Variants in CANX observed in about 807,000 individuals in gnomAD.
CANX encodes calnexin.
In CANX, 14 loss-of-function variants were observed where a neutral mutation model predicts 75.7. That is an observed-to-expected ratio of 0.19 (90% CI 0.12 to 0.29). The LOEUF (loss-of-function observed/expected upper bound fraction) is 0.29, where lower values mean the gene tolerates loss of function less well. CANX is among the 10% of genes least tolerant of loss of function. The probability of loss-of-function intolerance (pLI) is 1.00; values close to 1 mark genes in which losing one functional copy is unlikely to be tolerated. For missense variants in CANX, 567 were observed against 713.2 expected (o/e 0.79, Z 2.34); for synonymous variants, 227 against 236.9 (o/e 0.96, Z 0.38).
At chr5:179,679,594 T>G (rs538211944) in intron 1 of CANX, among the ~76,000 whole-genome samples, 131 of 152,166 alleles carry the variant, frequency 8.6e-4, no homozygotes, top group African/African-American at 3.1e-3. Flanking sequence ...AGTAGGACTT[T>G]GCCAGGTGGG....
At chr5:179,709,710 G>T in intron 6 of CANX, 163 bp from the exon 7 acceptor site, 1 of 499,236 alleles carries the variant, frequency 2.0e-6, no homozygotes, top group South Asian at 3.3e-5. Context: ...ACTGATGATT[G>T]CTGGTTATTC....
intron 1 of CANX, among the ~76,000 whole-genome samples, chr5:179,684,924 GTA>G (rs1242916468): frequency 0.029 from 833 of 28,854 alleles, 28 homozygotes; most frequent in Middle Eastern, 0.1. Flanking sequence ...GGCTAATTTT[GTA>G]TTTTTTTTTT....
At chr5:179,722,001 T>C (rs1243091714) in intron 10 of CANX, among the ~76,000 whole-genome samples, 3 of 152,202 alleles carry the variant, frequency 2.0e-5, no homozygotes, top group Non-Finnish European at 4.4e-5. Context: ...TTTAATTGTG[T>C]AGTCAAACAA....
chr5:179,698,949 G>T, upstream of CANX: 1 of 1,119,322 alleles, frequency 8.9e-7, no homozygotes, highest in Non-Finnish European at 1.1e-6. Context: ...TTCGTGCGGT[G>T]GGGCTCGCTC....
At chr5:179,681,834 G>C (rs1776071185) in intron 1 of CANX, among the ~76,000 whole-genome samples, 1 of 151,854 alleles carries the variant, frequency 6.6e-6, no homozygotes, top group Non-Finnish European at 1.5e-5. Context: ...TGTAGTCCCA[G>C]CTACTCAAGA....
intron 1 of CANX, among the ~76,000 whole-genome samples, chr5:179,701,555 G>A (rs968661133): frequency 6.6e-6 from 1 of 151,612 alleles, no homozygotes; most frequent in Non-Finnish European, 1.5e-5. Context: ...GGGTGACAGA[G>A]TGAGACTCCA....
chr5:179,689,391 T>TTTTTTTTG (rs1776258175), intron 1 of CANX, among the ~76,000 whole-genome samples: 1 of 144,110 alleles, frequency 6.9e-6, no homozygotes, highest in Non-Finnish European at 1.5e-5. Flanking sequence ...TTTTTTTTTT[T>TTTTTTTTG]TTTTTTTTTT....
At chr5:179,727,128 G>A (rs903225110) in intron 14 of CANX, among the ~76,000 whole-genome samples, 2 of 152,112 alleles carry the variant, frequency 1.3e-5, no homozygotes, top group African/African-American at 2.4e-5. Flanking sequence ...TTTTGTCCCC[G>A]TTGTCCATAG....
At chr5:179,724,572 C>T (rs529126016) in intron 12 of CANX, 85 bp from the exon 13 acceptor site, 325 of 1,136,120 alleles carry the variant, frequency 2.9e-4, no homozygotes, top group Admixed American at 5.3e-4. Flanking sequence ...CAGCCTGGAA[C>T]AGAACTTTGC....
chr5:179,720,845 G>A (rs568026687), intron 10 of CANX, among the ~76,000 whole-genome samples: 2 of 151,956 alleles, frequency 1.3e-5, no homozygotes, highest in Non-Finnish European at 2.9e-5. Context: ...GGGCAGTGGT[G>A]TGATGTCGCC....
At chr5:179,701,916 A>C (rs1016658759) in intron 1 of CANX, among the ~76,000 whole-genome samples, 1 of 151,034 alleles carries the variant, frequency 6.6e-6, no homozygotes, top group Non-Finnish European at 1.5e-5. Flanking sequence ...GGTTTTTTGT[A>C]TTTTAGTAGA....
At chr5:179,710,723 A>AAAAAAAAAAAAAAAAAAAAAAT (rs1777494279) in intron 7 of CANX, among the ~76,000 whole-genome samples, 3 of 143,724 alleles carry the variant, frequency 2.1e-5, no homozygotes, top group Non-Finnish European at 3.1e-5. Flanking sequence ...AAAAAAAAAA[A>AAAAAAAAAAAAAAAAAAAAAAT]GATTGTATAT....
chr5:179,712,302 A>G (rs958724972), intron 7 of CANX, among the ~76,000 whole-genome samples: 9 of 152,086 alleles, frequency 5.9e-5, no homozygotes, highest in African/African-American at 1.9e-4. Context: ...TACCTGGACA[A>G]TTGACAATTG....
chr5:179,687,339 G>A (rs1168222019), intron 1 of CANX, among the ~76,000 whole-genome samples: 8 of 151,918 alleles, frequency 5.3e-5, no homozygotes, highest in Admixed American at 4.6e-4. Flanking sequence ...TCCTGGCCTC[G>A]TGATCCACCC....
At chr5:179,701,321 G>T (rs1046469018) in intron 1 of CANX, among the ~76,000 whole-genome samples, 1 of 152,032 alleles carries the variant, frequency 6.6e-6, no homozygotes, top group Non-Finnish European at 1.5e-5. Flanking sequence ...GGCTGGGCAC[G>T]GTGGCTCTCA....
At chr5:179,679,109 TG>T in intron 1 of CANX, 2 of 1,535,698 alleles carry the variant, frequency 1.3e-6, no homozygotes, top group Non-Finnish European at 1.7e-6. Flanking sequence ...GCGGCTGGCA[TG>T]GCTCGTAGCC....
intron 1 of CANX, chr5:179,678,876 C>G: frequency 6.5e-7 from 1 of 1,536,222 alleles, no homozygotes; most frequent in Non-Finnish European, 8.7e-7. Context: ...CGCGTCCTCG[C>G]CAGCTGGCTC....
Position 179,716,184 on chromosome 5 carries a change from T to G in CANX, c.801T>G (p.Thr267=). ...GTGGAAATCTGCTCAATGACATGAC[T>G]CCTCCTGTAAATCCTTCACGTGAAA... The part of the protein sequence containing the change: ...VNSGNLLNDM[T]PPVNPSREIE... The change falls in exon 8 of 15, where the codon ACT becomes ACG. Residue 267 remains threonine (T), a synonymous_variant. Transcript: ENST00000247461. 1.2e-6 allele frequency: 2 copies of G among 1,613,092 alleles called. No individual in the cohort carries two copies. The highest frequency in any genetic ancestry group is 1.1e-5 in the South Asian group (1 of 91,072).
Position 179,685,392 on chromosome 5 carries a change from G to GC in CANX, c.-4+6616dup, listed in dbSNP as rs1776172435. Among the ~76,000 whole-genome samples, 5 of 151,606 alleles carry GC rather than the reference G, an allele frequency of 3.3e-5. No homozygotes were observed. In the South Asian group the frequency reaches 1.0e-3, roughly 32 times the overall value. ...GCCTCCCGTGTAGCTGGGATTACAAGCATGTGCCACCATGCCTGGCTAATT... is the reference window on the plus strand; with the variant it reads ...GCCTCCCGTGTAGCTGGGATTACAAGCCATGTGCCACCATGCCTGGCTAATT... On this transcript the variant is annotated intron_variant, in intron 1 of 14. Transcript: ENST00000681674.
Sources: allele counts gnomAD v4.1 joint callset (sites outside exome capture counted in the v4.1 genomes callset), GRCh38; gene constraint gnomAD v4.1.1; transcripts MANE v1.5; gene names NCBI Gene and HGNC (gene_info 2026-07-23, HGNC 2026-07-21).